The following TMEM178A variants were observed in gnomAD, a reference collection of about 807,000 sequenced individuals.
TMEM178A encodes the protein transmembrane protein 178.
Under a neutral mutation model 29.1 loss-of-function variants are expected in TMEM178A, and 12 were observed. That is an observed-to-expected ratio of 0.41 (90% CI 0.26 to 0.67). The LOEUF is 0.67. Ranked by LOEUF, TMEM178A falls within the 30% of genes least tolerant of loss-of-function variation. The pLI, the probability that TMEM178A is intolerant of heterozygous loss-of-function variation, is 0.29. For synonymous variants in TMEM178A, 210 were observed against 187.2 expected (o/e 1.12, Z -0.99); for missense variants, 366 against 419.1 (o/e 0.87, Z 1.11).
Position 39,704,214 on chromosome 2 carries a change from G to A in TMEM178A, c.514+20G>A. The stretch of plus-strand genomic sequence containing the variant: ...TGCTTCGTAAGTATTTCCAGGAGAG[G>A]TTCAGAGAGGAAATGGTGTCATTCT... On this transcript the variant is annotated intron_variant, in intron 2 of 3. Coordinates refer to ENST00000281961, the MANE Select transcript of TMEM178A (RefSeq NM_152390.3). 6.2e-7 allele frequency: 1 copy of A among 1,601,502 alleles called. No homozygotes were observed. Among genetic ancestry groups the A allele is most frequent in the Non-Finnish European group, 8.6e-7 (1 of 1,168,808 alleles).
chr2:39,719,416 A>G (rs1483333383), downstream of TMEM178A, among the ~76,000 whole-genome samples: 1 of 152,208 alleles, frequency 6.6e-6, no homozygotes, highest in Non-Finnish European at 1.5e-5. Context: ...TTTGCCTCGA[A>G]GCCAGGGGAG....
At chr2:39,678,747 A>G (rs757360411) in intron 1 of TMEM178A, among the ~76,000 whole-genome samples, 7 of 152,234 alleles carry the variant, frequency 4.6e-5, no homozygotes, top group Admixed American at 1.3e-4. Flanking sequence ...ACAAGTCTGA[A>G]TTTAGCAGGT....
intron 1 of TMEM178A, among the ~76,000 whole-genome samples, chr2:39,676,762 G>A (rs757028569): frequency 6.6e-6 from 1 of 152,142 alleles, no homozygotes; most frequent in Non-Finnish European, 1.5e-5. Context: ...GTGTTCAGGC[G>A]GCAGTCCCAT....
chr2:39,720,234 G>T (rs959666762), downstream of TMEM178A, among the ~76,000 whole-genome samples: 1 of 152,124 alleles, frequency 6.6e-6, no homozygotes, highest in Non-Finnish European at 1.5e-5. Flanking sequence ...CGGGTGGGGG[G>T]TGCCTCTTAA....
At chr2:39,734,424 G>C in the TMEM178A span, among the ~76,000 whole-genome samples, 1 of 152,166 alleles carries the variant, frequency 6.6e-6, no homozygotes, top group African/African-American at 2.4e-5. Flanking sequence ...CTCTCAGTAT[G>C]GGAGGAATTC....
chr2:39,685,564 C>G (rs1317961736), intron 1 of TMEM178A, among the ~76,000 whole-genome samples: 2 of 152,066 alleles, frequency 1.3e-5, no homozygotes, highest in African/African-American at 4.8e-5. Context: ...ATTACAAGGT[C>G]TAATAGGTGA....
downstream of TMEM178A, among the ~76,000 whole-genome samples, chr2:39,720,195 T>A (rs13429813): frequency 2.6e-5 from 4 of 152,166 alleles, no homozygotes; most frequent in African/African-American, 9.7e-5. Flanking sequence ...CCCTGGCAAG[T>A]TAAAAAAATA....
chr2:39,709,999 A>G (rs1372860403), intron 3 of TMEM178A, among the ~76,000 whole-genome samples: 2 of 152,184 alleles, frequency 1.3e-5, no homozygotes, highest in Non-Finnish European at 1.5e-5. Context: ...TGAAGGTTCA[A>G]TGGCAGGTGG....
intron 1 of TMEM178A, among the ~76,000 whole-genome samples, chr2:39,667,179 C>A (rs1187432394): frequency 6.6e-6 from 1 of 152,198 alleles, no homozygotes; most frequent in Non-Finnish European, 1.5e-5. Context: ...CAGATTTGGG[C>A]ACTCACTCTC....
downstream of TMEM178A, among the ~76,000 whole-genome samples, chr2:39,721,705 A>G (rs1672709596): frequency 6.6e-6 from 1 of 152,180 alleles, no homozygotes. Flanking sequence ...CTTTAGGACT[A>G]TCAGTTGGCC....
At chr2:39,707,849 A>G (rs748235609) in intron 3 of TMEM178A, among the ~76,000 whole-genome samples, 4 of 152,232 alleles carry the variant, frequency 2.6e-5, no homozygotes, top group Non-Finnish European at 5.9e-5. Context: ...GGTGCCCTCA[A>G]AGACAGAGGG....
intron 1 of TMEM178A, among the ~76,000 whole-genome samples, chr2:39,691,322 G>C (rs967435931): frequency 6.6e-6 from 1 of 152,160 alleles, no homozygotes; most frequent in Admixed American, 6.5e-5. Flanking sequence ...AGCAGCAAAA[G>C]GGAATCCTCA....
chr2:39,721,795 A>G (rs1672710705), downstream of TMEM178A, among the ~76,000 whole-genome samples: 1 of 151,960 alleles, frequency 6.6e-6, no homozygotes, highest in African/African-American at 2.4e-5. Context: ...GGTATTCAAG[A>G]CCAGGCTGGG....
At chr2:39,724,812 G>C in the TMEM178A span, among the ~76,000 whole-genome samples, 3 of 152,270 alleles carry the variant, frequency 2.0e-5, no homozygotes, top group Non-Finnish European at 4.4e-5. Context: ...CACCTCCCCA[G>C]CAAAAAAGCG....
the TMEM178A span, among the ~76,000 whole-genome samples, chr2:39,731,632 C>G: frequency 6.6e-6 from 1 of 152,212 alleles, no homozygotes; most frequent in African/African-American, 2.4e-5. Context: ...AATACCCCTA[C>G]TAGGTCCAAC....
intron 1 of TMEM178A, among the ~76,000 whole-genome samples, chr2:39,666,827 C>A (rs998363329): frequency 1.5e-4 from 23 of 152,300 alleles, no homozygotes; most frequent in Admixed American, 5.2e-4. Flanking sequence ...TTGGAAATAC[C>A]GTTTGGAAGA....
At position 39,717,068 on chromosome 2, in the gene TMEM178A, C is replaced by T. The variant is rs772909667; in HGVS notation, c.711C>T (p.Asn237=). The T allele has an allele frequency of 4.3e-6, 7 of 1,610,520 alleles. No individual in the cohort carries two copies. The Admixed American group carries it at 1.2e-4, about 27-fold the overall frequency. ...CCGCCAGTATCTCGTATGATTTGAA[C>T]CGGCTCCCAAAGCTAATTTATAGCC... ...TYAASISYDL[N]RLPKLIYSLP... Residue 237 remains asparagine (N), a synonymous_variant, in exon 4 of 4, where the codon AAC becomes AAT. Transcript: ENST00000281961.
intron 1 of TMEM178A, among the ~76,000 whole-genome samples, chr2:39,676,056 T>C (rs1670610210): frequency 6.6e-6 from 1 of 152,238 alleles, no homozygotes; most frequent in Admixed American, 6.5e-5. Flanking sequence ...AGTGTTGGGA[T>C]GATAGTTATT....
At chr2:39,719,473 C>A (rs1205951204), downstream of TMEM178A, among the ~76,000 whole-genome samples, 1 of 152,214 alleles carries the variant, frequency 6.6e-6, no homozygotes, top group African/African-American at 2.4e-5. Flanking sequence ...AGGCTCCCTG[C>A]CTTCCAGCCA....
Sources: gnomAD v4.1 joint callset for allele counts (sites outside exome capture counted in the v4.1 genomes callset) on GRCh38, gnomAD v4.1.1 for gene constraint, MANE v1.5 for transcripts, NCBI Gene and HGNC (gene_info 2026-07-23, HGNC 2026-07-21) for gene names.